The following ACOT6 variants were observed in gnomAD, a reference collection of about 807,000 sequenced individuals.
The protein encoded by ACOT6 is acyl-coenzyme A thioesterase 6.
ACOT6 carries 14 observed loss-of-function variants against 12.3 expected under a neutral mutation model. The ratio of observed to expected loss-of-function variants is 1.14; its 90% confidence interval spans 0.75 to 1.78. ACOT6 has a LOEUF of 1.78. ACOT6 is among the 40% of genes most tolerant of loss of function. ACOT6 has a pLI of 0.00. For synonymous variants in ACOT6, 218 were observed against 231.3 expected (o/e 0.94, Z 0.52); for missense variants, 523 against 551.8 (o/e 0.95, Z 0.52).
chr14:73,617,074 A>G lies in ACOT6; in HGVS notation c.542A>G (p.His181Arg), dbSNP rs1890552813. 4 of 1,453,268 alleles carry G rather than the reference A, an allele frequency of 2.8e-6. No individual in the cohort carries two copies. Among genetic ancestry groups the G allele is most frequent in the South Asian group, 1.1e-5 (1 of 87,516 alleles). The allele number at this position is 1,453,268 out of a possible 1,614,324, so 90.0% of individuals were successfully genotyped here. Residue 181 changes from histidine to arginine, a missense_variant, in exon 2 of 3, where the codon CAT becomes CGT. By Grantham distance (29) the His-to-Arg change is conservative. This residue lies in a region of ACOT6 where 304 missense variants were observed against 274.8 expected (regional missense o/e 1.11). Transcript: ENST00000645972. The stretch of plus-strand genomic sequence containing the variant: ...TACAGGGCCAGCCTCCTGGCCGGAC[A>G]TGGTTTTGCTGTGCTTGCCCTGGCT... ...CEYRASLLAG[H>R]GFAVLALAYF...
chr14:73,615,106 G>A (rs1406775803), intron 1 of ACOT6, among the ~76,000 whole-genome samples: 11 of 142,944 alleles, frequency 7.7e-5, no homozygotes, highest in Admixed American at 2.1e-4. Flanking sequence ...AAAACAAGGC[G>A]GCCAGGCGCG....
chr14:73,616,778 G>A (rs1234901379), intron 1 of ACOT6: 1 of 447,178 alleles, frequency 2.2e-6, no homozygotes, highest in Non-Finnish European at 3.9e-6. Context: ...GATGAACGCT[G>A]AGATTTTAGT....
Position 73,619,573 on chromosome 14 carries a change from T to C in ACOT6, c.1000T>C (p.Tyr334His). 1 of 1,614,242 alleles carries C rather than the reference T, an allele frequency of 6.2e-7. No individual in the cohort carries two copies. The highest frequency in any genetic ancestry group is 8.5e-7 in the Non-Finnish European group (1 of 1,180,042). Residue 334 changes from tyrosine to histidine, a missense_variant, in exon 3 of 3, where the codon TAT becomes CAT. Transcript: ENST00000645972. Reference sequence around the variant, plus strand: ...TGATCAAAGCTGGAAGAGTGAATTCTATGCTCAGATAGCCTCTGAAAGGCT... The same window carrying C: ...TGATCAAAGCTGGAAGAGTGAATTCCATGCTCAGATAGCCTCTGAAAGGCT... ...MDDQSWKSEF[Y>H]AQIASERLQA...
chr14:73,612,787 C>T lies in ACOT6; in HGVS notation c.216C>T (p.Phe72=), dbSNP rs546472416. ...LERAPALGGS[F]AGLQPMGLLW... The stretch of plus-strand genomic sequence containing the variant: ...GCGCGCCCGCGCTGGGAGGCAGCTT[C>T]GCGGGGCTCCAGCCCATGGGGCTGC... The change falls in exon 1 of 3, where the codon TTC becomes TTT. Residue 72 remains phenylalanine (F), a synonymous_variant. Coordinates refer to ENST00000645972, the MANE Select transcript of ACOT6 (RefSeq NM_001365788.1). 157 of 1,363,898 alleles carry T rather than the reference C, an allele frequency of 1.2e-4. No homozygotes were observed. In the African/African-American group the frequency reaches 2.1e-3, roughly 18 times the overall value. 84.5% of individuals were successfully genotyped at this position (1,363,898 alleles called of 1,614,324 possible).
At chr14:73,611,488 C>G (rs1890444034), upstream of ACOT6, 1 of 152,266 alleles carries the variant, frequency 6.6e-6, no homozygotes, top group Middle Eastern at 3.4e-3. Context: ...TAGATAGTAC[C>G]TTTATAAAAC....
chr14:73,615,016 G>A (rs1310654425), intron 1 of ACOT6, among the ~76,000 whole-genome samples: 2 of 150,614 alleles, frequency 1.3e-5, no homozygotes, highest in African/African-American at 2.4e-5. Flanking sequence ...TTGAACCCAG[G>A]GGGCAGAGGT....
Position 73,614,026 on chromosome 14 carries a change from C to CAAAAAA in ACOT6, c.461+1014_461+1019dup, listed in dbSNP as rs59411143. On this transcript the variant is annotated intron_variant, in intron 1 of 2. Transcript: ENST00000645972. ...GCAACATGGTGAAACTCTGTCTCTACAAAAAAAAAAAAAAAAAAAAAAAAA... is the reference window on the plus strand; with the variant it reads ...GCAACATGGTGAAACTCTGTCTCTACAAAAAAAAAAAAAAAAAAAAAAAAAAAAAAA... Among the ~76,000 whole-genome samples the CAAAAAA allele has an allele frequency of 5.1e-4, 47 of 92,944 alleles. 1 individual carries two copies. The highest frequency in any genetic ancestry group is 7.9e-4 in the Non-Finnish European group (37 of 46,992). 61.0% of individuals were successfully genotyped at this position (92,944 alleles called of 152,430 possible). A position where few individuals can be genotyped will look rare whatever the true frequency, so the allele number is the denominator to read the frequency against.
Position 73,619,399 on chromosome 14 carries a change from G to A in ACOT6, c.826G>A (p.Val276Ile). ...HYKDMIIPKL[V>I]DDLGKVKITK... ...CAAGGATATGATTATTCCTAAACTT[G>A]TCGATGATCTAGGAAAAGTAAAAAT... Residue 276 changes from valine (V) to isoleucine (I), a missense_variant, in exon 3 of 3, where the codon GTC (valine) becomes ATC (isoleucine). Val to Ile is a conservative substitution (Grantham distance 29). Around this residue, in one of 2 missense-constraint regions of ACOT6, gnomAD observed 219 missense variants for 277.0 expected, o/e 0.79. Coordinates refer to ENST00000645972, the MANE Select transcript of ACOT6 (RefSeq NM_001365788.1). 6.2e-7 allele frequency: 1 copy of A among 1,614,126 alleles called. No individual in the cohort carries two copies. The highest frequency in any genetic ancestry group is 8.5e-7 in the Non-Finnish European group (1 of 1,180,020).
rs117184259 is a variant in ACOT6 at position 73,616,323 on chromosome 14, T to C, written c.462-671T>C. Among the ~76,000 whole-genome samples the C allele has an allele frequency of 1.1e-3, 168 of 151,932 alleles. 2 individuals carry two copies. In the East Asian group the frequency reaches 0.032, roughly 29 times the overall value. On this transcript the variant is annotated intron_variant, in intron 1 of 2. Transcript: ENST00000645972. The stretch of plus-strand genomic sequence containing the variant: ...TTGTTTGTGAAAATAATATTATTAT[T>C]ATTATTATTTTTGAGATAGAGTCTC...
rs990674688 is a variant in ACOT6, at chr14:73,612,593, G to A, written c.22G>A (p.Glu8Lys). MAATLIL[E>K]PAGRCCWDEP... ...TGGGATGGCAGCGACGCTGATCCTG[G>A]AGCCCGCGGGCCGCTGCTGCTGGGA... The change falls in exon 1 of 3, where the codon GAG (glutamate) becomes AAG (lysine). Residue 8 changes from glutamate (E) to lysine (K), a missense_variant. Coordinates refer to ENST00000645972, the MANE Select transcript of ACOT6 (RefSeq NM_001365788.1). The A allele has an allele frequency of 1.4e-6, 2 of 1,410,714 alleles. No homozygotes were observed. The highest frequency in any genetic ancestry group is 1.9e-6 in the Non-Finnish European group (2 of 1,075,350). The allele number at this position is 1,410,714 out of a possible 1,614,324, so 87.4% of individuals were successfully genotyped here.
At chr14:73,613,829 G>A (rs183272694) in intron 1 of ACOT6, among the ~76,000 whole-genome samples, 1 of 152,022 alleles carries the variant, frequency 6.6e-6, no homozygotes, top group Non-Finnish European at 1.5e-5. Context: ...GCTAGGTAAA[G>A]GTAGCCCAGA....
chr14:73,613,927 G>A (rs925343770), intron 1 of ACOT6, among the ~76,000 whole-genome samples: 1 of 150,692 alleles, frequency 6.6e-6, no homozygotes, highest in Non-Finnish European at 1.5e-5. Flanking sequence ...CAGTGGCTCA[G>A]GCCTGTAATC....
Position 73,617,194 on chromosome 14 carries a change from T to G in ACOT6, c.660+2T>G. On this transcript the variant is annotated splice_donor_variant, in intron 2 of 2. Coordinates refer to ENST00000645972, the MANE Select transcript of ACOT6 (RefSeq NM_001365788.1). LOFTEE classifies it high-confidence loss of function. ...GACTTTATGCTGCAGCATCCAAAGG[T>G]GCGTTCTGGTGATCACCTGAGTGCA... The G allele has an allele frequency of 1.2e-6, 2 of 1,614,128 alleles. No homozygotes were observed. The highest frequency in any genetic ancestry group is 1.7e-6 in the Non-Finnish European group (2 of 1,180,028).
chr14:73,612,757 G>T lies in ACOT6; in HGVS notation c.186G>T (p.Leu62=), dbSNP rs1310703268. 5.1e-6 allele frequency: 7 copies of T among 1,372,586 alleles called. No individual in the cohort carries two copies. The highest frequency in any genetic ancestry group is 5.6e-6 in the Non-Finnish European group (6 of 1,071,488). The allele number at this position is 1,372,586 out of a possible 1,614,324, so 85.0% of individuals were successfully genotyped here. A position where few individuals can be genotyped will look rare whatever the true frequency, so the allele number is the denominator to read the frequency against. Residue 62 remains leucine (L), a synonymous_variant, in exon 1 of 3, where the codon CTG becomes CTT. Coordinates refer to ENST00000645972, the MANE Select transcript of ACOT6 (RefSeq NM_001365788.1). ...CCGACGCCCGCGACGAGCTGGACCTGGAGCGCGCGCCCGCGCTGGGAGGCA... is the reference window on the plus strand; with the variant it reads ...CCGACGCCCGCGACGAGCTGGACCTTGAGCGCGCGCCCGCGCTGGGAGGCA... The part of the protein sequence containing the change: ...YRADARDELD[L]ERAPALGGSF...
intron 2 of ACOT6, 53 bp from the exon 3 acceptor site, chr14:73,619,181 T>C (rs190021634): frequency 1.4e-4 from 206 of 1,512,914 alleles, no homozygotes; most frequent in Middle Eastern, 1.8e-4. Context: ...TCACTGTCTG[T>C]GTCCTCCATT....
In ACOT6 at chr14:73,612,850, G is replaced by A; in HGVS notation, c.279G>A (p.Leu93=). Residue 93 remains leucine, a synonymous_variant, in exon 1 of 3, where the codon CTG becomes CTA. Transcript: ENST00000645972. The stretch of plus-strand genomic sequence containing the variant: ...AGCCCGAGAAAGCCTTGGTGCGGCT[G>A]GTGAAGCGCGACGTGCGGACGCCCT... ...ALEPEKALVR[L]VKRDVRTPFA... is the part of the protein sequence containing the mutation. The A allele has an allele frequency of 7.1e-7, 1 of 1,418,084 alleles. No homozygotes were observed. The highest frequency in any genetic ancestry group is 2.5e-4 in the Middle Eastern group (1 of 4,042). 87.8% of individuals were successfully genotyped at this position (1,418,084 alleles called of 1,614,324 possible). A position where few individuals can be genotyped will look rare whatever the true frequency, so the allele number is the denominator to read the frequency against.
Position 73,612,669 on chromosome 14 carries a change from C to T in ACOT6, c.98C>T (p.Thr33Met). ...GGCCTGGCCCCGGAGCAGCCAGTCA[C>T]GCTGCGCACGTCCCTGCGCGACGAA... ...VRGLAPEQPVTLRTSLRDEEG... is the reference protein window; with the variant it reads ...VRGLAPEQPVMLRTSLRDEEG... The change falls in exon 1 of 3, where the codon ACG (threonine) becomes ATG (methionine). Residue 33 changes from threonine (T) to methionine (M), a missense_variant. Thr to Met is a moderately conservative substitution (Grantham distance 81). This residue lies in a region of ACOT6 where 304 missense variants were observed against 274.8 expected (regional missense o/e 1.11). Coordinates refer to ENST00000645972, the MANE Select transcript of ACOT6 (RefSeq NM_001365788.1). The T allele has an allele frequency of 1.4e-6, 2 of 1,413,434 alleles. No individual in the cohort carries two copies. The highest frequency in any genetic ancestry group is 3.0e-5 in the East Asian group (1 of 33,048). 87.6% of individuals were successfully genotyped at this position (1,413,434 alleles called of 1,614,324 possible).
At chr14:73,619,042 AT>A (rs1473465127) in intron 2 of ACOT6, among the ~76,000 whole-genome samples, 191 bp from the exon 3 acceptor site, 2 of 152,170 alleles carry the variant, frequency 1.3e-5, no homozygotes, top group African/African-American at 4.8e-5. Flanking sequence ...AGGCACGAGA[AT>A]TGCTTGAACC....
chr14:73,616,840 C>T, intron 1 of ACOT6, 154 bp from the exon 2 acceptor site: 2 of 550,036 alleles, frequency 3.6e-6, no homozygotes, highest in Non-Finnish European at 3.2e-6. Context: ...GTTTTTTATC[C>T]CTCTATATTA....
Sources: allele counts gnomAD v4.1 joint callset (sites outside exome capture counted in the v4.1 genomes callset), GRCh38; gene constraint gnomAD v4.1.1; regional missense constraint gnomAD v4.1.1; transcripts MANE v1.5; gene names NCBI Gene and HGNC (gene_info 2026-07-23, HGNC 2026-07-21).